The following TNS1 variants were observed in gnomAD, a reference collection of about 807,000 sequenced individuals.
TNS1 encodes the protein tensin 1, also known as tensin-1.
TNS1 carries 62 observed loss-of-function variants against 168.6 expected under a neutral mutation model. That is an observed-to-expected ratio of 0.37 (90% CI 0.30 to 0.45). The LOEUF (loss-of-function observed/expected upper bound fraction) is 0.45, where lower values mean the gene tolerates loss of function less well. Ranked by LOEUF, TNS1 falls within the 20% of genes least tolerant of loss-of-function variation. TNS1 has a pLI of 1.00. For synonymous variants in TNS1, 934 were observed against 933.2 expected (o/e 1.00, Z -0.02); for missense variants, 2,240 against 2,339.4 (o/e 0.96, Z 0.88).
At chr2:217,865,103 G>A (rs1949151415) in intron 18 of TNS1, among the ~76,000 whole-genome samples, 1 of 152,260 alleles carries the variant, frequency 6.6e-6, no homozygotes, top group Non-Finnish European at 1.5e-5. Context: ...GTGAGCAGAG[G>A]GGTCCATGTG....
rs1487448191 is a variant in TNS1, at chr2:217,848,737, C to A, written c.1780G>T (p.Gly594Trp). 10 of 1,614,222 alleles carry A rather than the reference C, an allele frequency of 6.2e-6. No homozygotes were observed. The highest frequency in any genetic ancestry group is 8.5e-6 in the Non-Finnish European group (10 of 1,180,030). The change falls in exon 19 of 33, where the codon GGG becomes TGG. Residue 594 changes from glycine (G) to tryptophan (W), a missense_variant. By Grantham distance (184) the Gly-to-Trp change is radical. Transcript: ENST00000682258. The part of the protein sequence containing the change: ...HTQHLRSRPA[G>W]GSAVPSSGRH... Reference sequence around the variant, plus strand: ...CCAGAGGAGGGCACAGCCGAGCCCCCTGCTGGGCGGGACCTGAGGTGCTGG... The same window carrying A: ...CCAGAGGAGGGCACAGCCGAGCCCCATGCTGGGCGGGACCTGAGGTGCTGG...
At chr2:217,924,216 C>T (rs530053283) in intron 3 of TNS1, among the ~76,000 whole-genome samples, 1 of 152,282 alleles carries the variant, frequency 6.6e-6, no homozygotes, top group East Asian at 1.9e-4. Context: ...CTCCAGCTGT[C>T]TGCGTAGCTG....
At chr2:217,981,171 C>T (rs1028069603) in intron 2 of TNS1, among the ~76,000 whole-genome samples, 3 of 152,230 alleles carry the variant, frequency 2.0e-5, no homozygotes, top group African/African-American at 7.2e-5. Context: ...TTTGTGCAAA[C>T]TAGAAGGAGG....
chr2:217,953,696 G>A (rs1433565199), intron 3 of TNS1, among the ~76,000 whole-genome samples: 1 of 152,154 alleles, frequency 6.6e-6, no homozygotes, highest in Non-Finnish European at 1.5e-5. Context: ...CCCTGGGTCA[G>A]CTACACTAGG....
intron 3 of TNS1, among the ~76,000 whole-genome samples, chr2:217,935,645 T>A (rs1956567402): frequency 6.6e-6 from 1 of 152,100 alleles, no homozygotes; most frequent in Non-Finnish European, 1.5e-5. Context: ...TGCTCTCCCC[T>A]CCCACTCTGG....
In TNS1 at chr2:218,032,676, C is replaced by T. The variant is rs574775204; in HGVS notation, c.156+1144G>A. On this transcript the variant is annotated intron_variant, in intron 1 of 1. Coordinates refer to the TNS1 transcript ENST00000649572. The surrounding 1 kb of genome is among the most constrained non-coding windows in gnomAD (Gnocchi z 4.0). ...TATCACCCCTCCTCTAGTGAGGCCC[C>T]AGGTGATGGGTGCAGGCTGCTCTTC... Among the ~76,000 whole-genome samples the T allele has an allele frequency of 2.9e-4, 44 of 152,268 alleles. No individual in the cohort carries two copies. Among genetic ancestry groups the T allele is most frequent in the Non-Finnish European group, 4.7e-4 (32 of 68,002 alleles).
intron 18 of TNS1, among the ~76,000 whole-genome samples, chr2:217,869,888 G>A (rs1949626076): frequency 6.6e-6 from 1 of 151,966 alleles, no homozygotes; most frequent in African/African-American, 2.4e-5. Flanking sequence ...GCCCCACACT[G>A]CAACTGTTCT....
chr2:217,888,019 C>T (rs1374786333), intron 12 of TNS1, among the ~76,000 whole-genome samples: 1 of 152,224 alleles, frequency 6.6e-6, no homozygotes, highest in Non-Finnish European at 1.5e-5. Flanking sequence ...TGTCTCTTGG[C>T]TCCTTGGCCC....
At chr2:217,917,460 T>A (rs1259168203) in intron 4 of TNS1, among the ~76,000 whole-genome samples, 1 of 152,082 alleles carries the variant, frequency 6.6e-6, no homozygotes, top group African/African-American at 2.4e-5. Flanking sequence ...ATCGGGGCGA[T>A]GCATGCTGAG....
intron 2 of TNS1, among the ~76,000 whole-genome samples, chr2:217,979,770 T>C (rs1420769693): frequency 2.0e-5 from 3 of 152,020 alleles, no homozygotes; most frequent in African/African-American, 7.3e-5. Context: ...CAGGACCTGC[T>C]AAGGCTGGGG....
At chr2:217,899,623 C>T (rs1157955682) in intron 7 of TNS1, among the ~76,000 whole-genome samples, 1 of 152,236 alleles carries the variant, frequency 6.6e-6, no homozygotes. Context: ...CAAGAGGGGC[C>T]GTGCTGGTGA....
At chr2:217,855,465 T>C (rs1222990051) in intron 18 of TNS1, among the ~76,000 whole-genome samples, 1 of 152,206 alleles carries the variant, frequency 6.6e-6, no homozygotes, top group African/African-American at 2.4e-5. Flanking sequence ...TAGACATCTC[T>C]ACTGTGACAA....
At chr2:217,957,896 A>G (rs1957404627) in intron 3 of TNS1, among the ~76,000 whole-genome samples, 1 of 151,778 alleles carries the variant, frequency 6.6e-6, no homozygotes, top group African/African-American at 2.4e-5. Context: ...ATGAAACAAA[A>G]ACAGCAAAAA....
At chr2:217,843,264 A>G (rs2125390480) in intron 19 of TNS1, among the ~76,000 whole-genome samples, 1 of 152,090 alleles carries the variant, frequency 6.6e-6, no homozygotes, top group African/African-American at 2.4e-5. Flanking sequence ...AGCCTAATTT[A>G]CCTACATGGG....
At chr2:217,996,994 C>T (rs186429284) in intron 1 of TNS1, among the ~76,000 whole-genome samples, 46 of 152,052 alleles carry the variant, frequency 3.0e-4, no homozygotes, top group Non-Finnish European at 2.5e-4. Context: ...GGCTGCTCCA[C>T]GCTCTCCAGC....
At chr2:217,854,650 T>G (rs1398603729) in intron 18 of TNS1, among the ~76,000 whole-genome samples, 1 of 152,084 alleles carries the variant, frequency 6.6e-6, no homozygotes, top group Non-Finnish European at 1.5e-5. Flanking sequence ...ATCTGAGAGG[T>G]AGGTGAGCTT....
intron 12 of TNS1, among the ~76,000 whole-genome samples, chr2:217,887,009 T>A (rs1028588137): frequency 3.9e-5 from 6 of 152,118 alleles, no homozygotes; most frequent in Non-Finnish European, 7.4e-5. Flanking sequence ...AGGCATCATT[T>A]AGCTGCACAA....
chr2:217,804,519 C>G lies in TNS1; in HGVS notation c.5460G>C (p.Pro1820=), dbSNP rs552749103. ...AGACGAAGTTGACGATGGCAGAGGC[C>G]GGCTGGTTGGGGTCAAGCTCAGCAA... The part of the protein sequence containing the change: ...HLFAELDPNQ[P]ASAIVNFVSK... Residue 1820 remains proline, a synonymous_variant, in exon 33 of 33, where the codon CCG becomes CCC. Transcript: ENST00000682258. The G allele has an allele frequency of 2.2e-5, 35 of 1,614,004 alleles. No individual in the cohort carries two copies. The highest frequency in any genetic ancestry group is 3.0e-5 in the Non-Finnish European group (35 of 1,180,024).
intron 11 of TNS1, among the ~76,000 whole-genome samples, chr2:217,891,789 C>A (rs561482270): frequency 6.6e-6 from 1 of 152,150 alleles, no homozygotes; most frequent in African/African-American, 2.4e-5. Flanking sequence ...CTCAGCCCCT[C>A]GCATTCCCAT....
Sources: gnomAD v4.1 joint callset for allele counts (sites outside exome capture counted in the v4.1 genomes callset) on GRCh38, gnomAD v4.1.1 for gene constraint, Gnocchi (gnomAD v3.1) non-coding constraint, MANE v1.5 for transcripts, NCBI Gene and HGNC (gene_info 2026-07-23, HGNC 2026-07-21) for gene names.